ARHGAP15: variants seen among roughly 807,000 people sequenced by gnomAD.
ARHGAP15 encodes the protein rho GTPase-activating protein 15.
A neutral mutation model predicts 63.7 loss-of-function variants in ARHGAP15; 51 were observed. The observed-to-expected ratio is 0.80, with a 90% confidence interval of 0.64 to 1.01. The LOEUF is 1.01. ARHGAP15 is among the 50% of genes least tolerant of loss of function. The pLI is 0.00. For missense variants in ARHGAP15, 560 were observed against 564.6 expected, an observed-to-expected ratio of 0.99 and a Z score of 0.08; for synonymous variants, 191 against 193.8, an observed-to-expected ratio of 0.99 and a Z score of 0.12.
intron 2 of ARHGAP15, among the ~76,000 whole-genome samples, chr2:143,179,669 C>T (rs1691150349): frequency 6.6e-6 from 1 of 152,186 alleles, no homozygotes; most frequent in Non-Finnish European, 1.5e-5. Flanking sequence ...AGGAGGATCA[C>T]TTGAGCCTTG....
intron 13 of ARHGAP15, among the ~76,000 whole-genome samples, chr2:143,708,502 T>TGAGA (rs535431559): frequency 7.9e-5 from 12 of 152,282 alleles, no homozygotes; most frequent in African/African-American, 2.9e-4. Context: ...AGAGTCCCAG[T>TGAGA]GAGACTATTT....
intron 6 of ARHGAP15, among the ~76,000 whole-genome samples, chr2:143,340,038 G>A (rs1052936862): frequency 6.6e-6 from 1 of 151,890 alleles, no homozygotes; most frequent in African/African-American, 2.4e-5. Context: ...CTTTCTCTTT[G>A]AAAACTACAA....
chr2:143,495,311 G>A (rs1692767701), intron 9 of ARHGAP15, among the ~76,000 whole-genome samples: 2 of 152,120 alleles, frequency 1.3e-5, no homozygotes, highest in Non-Finnish European at 2.9e-5. Context: ...CTTAAAGCTC[G>A]AGAAATCATT....
In ARHGAP15 at chr2:143,672,654, A is replaced by G. The variant is rs368639126; in HGVS notation, c.1139-30765A>G. 9.8e-5 allele frequency among the ~76,000 whole-genome samples: 15 copies of G among 152,358 alleles called. No homozygotes were observed. The East Asian group carries it at 2.7e-3, about 27-fold the overall frequency. ...GTCTGGCCCAAAAAGACAGTCCAGT[A>G]TGAGACTGGGCCTTCCTCCACTTGC... On this transcript the variant is annotated intron_variant, in intron 12 of 13. Coordinates refer to ENST00000295095, the MANE Select transcript of ARHGAP15 (RefSeq NM_018460.4).
chr2:143,499,319 T>A (rs1692953978), intron 9 of ARHGAP15, among the ~76,000 whole-genome samples: 1 of 152,154 alleles, frequency 6.6e-6, no homozygotes, highest in Non-Finnish European at 1.5e-5. Context: ...TACAGATGCC[T>A]CGAGATATTA....
rs186232317 is a variant in ARHGAP15 at position 143,398,454 on chromosome 2, C to T, written c.475-37147C>T. Among the ~76,000 whole-genome samples, 7 of 152,166 alleles carry T rather than the reference C, an allele frequency of 4.6e-5. No individual in the cohort carries two copies. The East Asian group carries it at 1.4e-3, about 29-fold the overall frequency. On this transcript the variant is annotated intron_variant, in intron 6 of 13. Coordinates refer to ENST00000295095, the MANE Select transcript of ARHGAP15 (RefSeq NM_018460.4). ...AGAAAACACTGAGGCACACTCAGTT[C>T]ATAGGCACAGATGACTGGGTTAAGA...
intron 11 of ARHGAP15, among the ~76,000 whole-genome samples, chr2:143,566,433 A>G (rs1467287221): frequency 6.6e-6 from 1 of 152,138 alleles, no homozygotes; most frequent in East Asian, 1.9e-4. Context: ...AGCAGTGACT[A>G]GGACAAGTGA....
intron 6 of ARHGAP15, among the ~76,000 whole-genome samples, chr2:143,373,650 A>AC (rs1207109504): frequency 8.2e-6 from 1 of 122,450 alleles, no homozygotes; most frequent in South Asian, 2.7e-4. Context: ...AAAAAAAAAA[A>AC]AAAAAAAAAA....
At chr2:143,215,587 A>G (rs1164241225) in intron 3 of ARHGAP15, among the ~76,000 whole-genome samples, 1 of 152,156 alleles carries the variant, frequency 6.6e-6, no homozygotes, top group African/African-American at 2.4e-5. Flanking sequence ...TGAAAGATGA[A>G]GGCTAACGAC....
At chr2:143,195,827 G>C (rs1691866815) in intron 2 of ARHGAP15, among the ~76,000 whole-genome samples, 1 of 152,136 alleles carries the variant, frequency 6.6e-6, no homozygotes, top group African/African-American at 2.4e-5. Context: ...TTTAAAAGCA[G>C]AGCTATGAGG....
intron 9 of ARHGAP15, among the ~76,000 whole-genome samples, chr2:143,500,986 C>T (rs1693029333): frequency 6.6e-6 from 1 of 152,088 alleles, no homozygotes; most frequent in Admixed American, 6.5e-5. Flanking sequence ...TTGAATATAA[C>T]ACTCCTAACA....
chr2:143,277,312 T>A (rs576156320), intron 6 of ARHGAP15, among the ~76,000 whole-genome samples: 1 of 152,220 alleles, frequency 6.6e-6, no homozygotes, highest in Non-Finnish European at 1.5e-5. Context: ...ATTTCTTTAG[T>A]GTAACTGGCA....
chr2:143,306,875 C>T (rs1683198050), intron 6 of ARHGAP15, among the ~76,000 whole-genome samples: 1 of 152,092 alleles, frequency 6.6e-6, no homozygotes, highest in South Asian at 2.1e-4. Flanking sequence ...CAGCTTAAAA[C>T]AACACACATT....
At chr2:143,585,051 T>C (rs13412393) in intron 11 of ARHGAP15, among the ~76,000 whole-genome samples, 80,250 of 151,994 alleles carry the variant, frequency 0.53, 22,074 homozygotes, top group Non-Finnish European at 0.61. Flanking sequence ...TGTTAAAAAA[T>C]CATCCCGAGG....
At chr2:143,688,097 A>G (rs1159284592) in intron 12 of ARHGAP15, among the ~76,000 whole-genome samples, 1 of 152,160 alleles carries the variant, frequency 6.6e-6, no homozygotes, top group Non-Finnish European at 1.5e-5. Context: ...CATTTGTTTT[A>G]TCCTAGCCTG....
chr2:143,218,431 T>C (rs1574106312), intron 4 of ARHGAP15, among the ~76,000 whole-genome samples: 2 of 152,084 alleles, frequency 1.3e-5, no homozygotes, highest in Admixed American at 1.3e-4. Flanking sequence ...CTCCAATCCT[T>C]GCTTCAATCC....
chr2:143,279,565 T>C (rs1028225202), intron 6 of ARHGAP15, among the ~76,000 whole-genome samples: 1 of 152,172 alleles, frequency 6.6e-6, no homozygotes, highest in African/African-American at 2.4e-5. Flanking sequence ...TCATAAATCT[T>C]GTTAAATAGT....
At chr2:143,152,522 G>A (rs1007148082) in intron 1 of ARHGAP15, among the ~76,000 whole-genome samples, 7 of 151,932 alleles carry the variant, frequency 4.6e-5, no homozygotes, top group African/African-American at 1.7e-4. Context: ...ACCAAACTCT[G>A]GGGCACTTGA....
intron 13 of ARHGAP15, among the ~76,000 whole-genome samples, chr2:143,756,197 A>G (rs1686570561): frequency 6.6e-6 from 1 of 152,220 alleles, no homozygotes; most frequent in Non-Finnish European, 1.5e-5. Context: ...AGAGAAGTTG[A>G]GGAATACTTT....
Sources: gnomAD v4.1 joint callset for allele counts (sites outside exome capture counted in the v4.1 genomes callset) on GRCh38, gnomAD v4.1.1 for gene constraint, MANE v1.5 for transcripts, NCBI Gene and HGNC (gene_info 2026-07-23, HGNC 2026-07-21) for gene names.